PTPRD: variants seen among roughly 807,000 people sequenced by gnomAD.
PTPRD encodes protein tyrosine phosphatase receptor type D, also known as receptor-type tyrosine-protein phosphatase delta.
Under a neutral mutation model 214.5 loss-of-function variants are expected in PTPRD, and 34 were observed. The observed-to-expected ratio is 0.16, with a 90% CI of 0.12 to 0.21. The LOEUF (loss-of-function observed/expected upper bound fraction) is 0.21, where lower values mean the gene tolerates loss of function less well. Ranked by LOEUF, PTPRD falls within the 10% of genes least tolerant of loss-of-function variation. The probability of loss-of-function intolerance (pLI) is 1.00; values close to 1 mark genes in which losing one functional copy is unlikely to be tolerated. For synonymous variants in PTPRD, 1,128 were observed against 845.7 expected, an observed-to-expected ratio of 1.33 and a Z score of -5.79; for missense variants, 2,545 against 2,398.7, an observed-to-expected ratio of 1.06 and a Z score of -1.27.
chr9:10,498,288 C>T (rs530919674), intron 2 of PTPRD, among the ~76,000 whole-genome samples: 95 of 151,870 alleles, frequency 6.3e-4, no homozygotes, highest in Non-Finnish European at 1.8e-4. Flanking sequence ...AGAAGGTGAA[C>T]AAAACAATCA....
At chr9:8,685,013 G>A (rs2097649951) in intron 12 of PTPRD, among the ~76,000 whole-genome samples, 1 of 152,080 alleles carries the variant, frequency 6.6e-6, no homozygotes, top group African/African-American at 2.4e-5. Context: ...TTCTGGGGAT[G>A]GGCTGTGTTT....
chr9:9,755,807 ATAT>A (rs1169681420), intron 6 of PTPRD, among the ~76,000 whole-genome samples: 10 of 152,094 alleles, frequency 6.6e-5, no homozygotes, highest in African/African-American at 2.4e-4. Context: ...TCATTGTCAA[ATAT>A]TATTCAATTT....
At chr9:8,331,795 G>GCATACGGACCACA in intron 43 of PTPRD, 59 bp from the exon 44 acceptor site, 1 of 1,502,174 alleles carries the variant, frequency 6.7e-7, no homozygotes, top group Non-Finnish European at 8.9e-7. Context: ...GATTCAGCAA[G>GCATACGGACCACA]CATACGGACC....
intron 10 of PTPRD, among the ~76,000 whole-genome samples, chr9:9,142,824 T>A (rs1230008199): frequency 6.6e-6 from 1 of 152,206 alleles, no homozygotes; most frequent in Non-Finnish European, 1.5e-5. Context: ...CAGTTCATTC[T>A]TTTCATTCAT....
intron 8 of PTPRD, among the ~76,000 whole-genome samples, chr9:9,495,579 G>A (rs2096141157): frequency 2.6e-5 from 4 of 152,098 alleles, no homozygotes; most frequent in Admixed American, 2.6e-4. Context: ...TTGAGGGAGT[G>A]ACTAGACCTC....
intron 10 of PTPRD, among the ~76,000 whole-genome samples, chr9:9,182,332 G>A (rs1482861604): frequency 1.3e-5 from 2 of 151,938 alleles, no homozygotes; most frequent in Non-Finnish European, 2.9e-5. Context: ...GGATAGGGAC[G>A]GTGATATTCT....
chr9:8,739,780 G>C (rs2091443792), intron 11 of PTPRD, among the ~76,000 whole-genome samples: 1 of 152,188 alleles, frequency 6.6e-6, no homozygotes, highest in African/African-American at 2.4e-5. Context: ...GAGGGACCCA[G>C]TGGGAGATAA....
chr9:10,395,018 T>C (rs1320519993), intron 2 of PTPRD, among the ~76,000 whole-genome samples: 3 of 150,328 alleles, frequency 2.0e-5, no homozygotes, highest in South Asian at 2.1e-4. Flanking sequence ...CTGCACTTTA[T>C]CAATAAACGT....
chr9:9,667,231 T>C (rs1001930175), intron 7 of PTPRD, among the ~76,000 whole-genome samples: 1 of 152,104 alleles, frequency 6.6e-6, no homozygotes, highest in Non-Finnish European at 1.5e-5. Context: ...GTGCAATCAT[T>C]TCCACCTCTA....
At chr9:8,983,051 A>G (rs1250468682) in intron 11 of PTPRD, among the ~76,000 whole-genome samples, 5 of 152,092 alleles carry the variant, frequency 3.3e-5, no homozygotes, top group African/African-American at 1.2e-4. Flanking sequence ...TGTGGAAAAA[A>G]ATCTATTTGA....
At chr9:10,127,127 T>C (rs114284333) in intron 3 of PTPRD, among the ~76,000 whole-genome samples, 283 of 152,204 alleles carry the variant, frequency 1.9e-3, no homozygotes, top group African/African-American at 6.4e-3. Flanking sequence ...TGTGCTGCTG[T>C]AATAAATATC....
chr9:8,493,560 G>C lies in PTPRD; in HGVS notation c.2350-581C>G, dbSNP rs150118506. ...GTTGTTGGACCTAGATACCCTGAGA[G>C]AGAATTTTCTTAGGACTCTCTTATT... On this transcript the variant is annotated intron_variant, in intron 26 of 45. Coordinates refer to ENST00000381196, the MANE Select transcript of PTPRD (RefSeq NM_002839.4). Among the ~76,000 whole-genome samples, 132 of 152,282 alleles carry C rather than the reference G, an allele frequency of 8.7e-4. 1 individual carries two copies. The highest frequency in any genetic ancestry group is 3.0e-3 in the African/African-American group (125 of 41,542).
intron 11 of PTPRD, among the ~76,000 whole-genome samples, chr9:8,832,410 C>CTTTT (rs5896262): frequency 0.012 from 1,543 of 127,920 alleles, 87 homozygotes; most frequent in Middle Eastern, 0.029. Context: ...CTAAAATCAT[C>CTTTT]TTTTTTTTTT....
At chr9:9,833,759 C>T (rs1415650758) in intron 5 of PTPRD, among the ~76,000 whole-genome samples, 1 of 151,362 alleles carries the variant, frequency 6.6e-6, no homozygotes, top group Non-Finnish European at 1.5e-5. Context: ...AAAAAGAATT[C>T]AGCAATATTT....
chr9:9,397,738 G>A (rs1246565568), intron 8 of PTPRD, among the ~76,000 whole-genome samples: 3 of 151,866 alleles, frequency 2.0e-5, no homozygotes, highest in East Asian at 3.9e-4. Flanking sequence ...TATATGTATT[G>A]CACCAATATT....
chr9:8,625,860 C>A (rs1214114505), intron 14 of PTPRD, among the ~76,000 whole-genome samples: 1 of 149,818 alleles, frequency 6.7e-6, no homozygotes. Flanking sequence ...TCCCCGATTG[C>A]CCAGTAGTTA....
rs902596444 is a variant in PTPRD at position 10,183,011 on chromosome 9, T to G, written c.-544-149221A>C. Among the ~76,000 whole-genome samples the G allele has an allele frequency of 5.3e-5, 8 of 152,290 alleles. 1 individual carries two copies. The highest frequency in any genetic ancestry group is 1.9e-4 in the African/African-American group (8 of 41,574). Reference sequence around the variant, plus strand: ...TTGGCTAAGTTATTTAATCTCTTGCTGTCTACATTTTAAAAAGGTAAGTGG... The same window carrying G: ...TTGGCTAAGTTATTTAATCTCTTGCGGTCTACATTTTAAAAAGGTAAGTGG... On this transcript the variant is annotated intron_variant, in intron 3 of 45. Coordinates refer to ENST00000381196, the MANE Select transcript of PTPRD (RefSeq NM_002839.4).
At chr9:9,738,735 C>A (rs527729978) in intron 6 of PTPRD, among the ~76,000 whole-genome samples, 2 of 152,210 alleles carry the variant, frequency 1.3e-5, no homozygotes, top group South Asian at 4.1e-4. Context: ...AACCACCACA[C>A]CTGACCTCTT....
intron 7 of PTPRD, among the ~76,000 whole-genome samples, chr9:9,718,815 C>A (rs1235078392): frequency 6.6e-6 from 1 of 152,182 alleles, no homozygotes; most frequent in Non-Finnish European, 1.5e-5. Flanking sequence ...CCAACAAGCA[C>A]AGGAGGGAGG....
Sources: gnomAD v4.1 joint callset for allele counts (sites outside exome capture counted in the v4.1 genomes callset) on GRCh38, gnomAD v4.1.1 for gene constraint, MANE v1.5 for transcripts, NCBI Gene and HGNC (gene_info 2026-07-23, HGNC 2026-07-21) for gene names.